BAZ1A: variants seen among roughly 807,000 people sequenced by gnomAD.
BAZ1A encodes bromodomain adjacent to zinc finger domain 1A.
In BAZ1A, 50 loss-of-function variants were observed where a neutral mutation model predicts 185.2. The observed-to-expected ratio is 0.27, with a 90% CI of 0.22 to 0.34. BAZ1A has a LOEUF of 0.34. Among genes scored for constraint, BAZ1A ranks in the 10% least tolerant of loss-of-function variants. The pLI is 1.00. For missense variants in BAZ1A, 1,356 were observed against 1,839.9 expected, an observed-to-expected ratio of 0.74 and a Z score of 4.81; for synonymous variants, 571 against 615.6, an observed-to-expected ratio of 0.93 and a Z score of 1.07.
At chr14:34,806,918 T>C (rs1473479655) in intron 6 of BAZ1A, among the ~76,000 whole-genome samples, 1 of 151,136 alleles carries the variant, frequency 6.6e-6, no homozygotes, top group East Asian at 1.9e-4. Context: ...CCCAGCTAAT[T>C]TTTCTAATTT....
chr14:34,809,403 T>G (rs971285199), intron 5 of BAZ1A, among the ~76,000 whole-genome samples: 3 of 152,156 alleles, frequency 2.0e-5, no homozygotes, highest in African/African-American at 7.2e-5. Flanking sequence ...AAAAACTCAG[T>G]TCCCTCATTC....
At chr14:34,779,935 A>G (rs1263296266) in intron 17 of BAZ1A, among the ~76,000 whole-genome samples, 1 of 152,240 alleles carries the variant, frequency 6.6e-6, no homozygotes, top group Non-Finnish European at 1.5e-5. Context: ...TTAACGACAT[A>G]GGAATATTGT....
chr14:34,866,828 T>C (rs150366613), intron 2 of BAZ1A, among the ~76,000 whole-genome samples: 15 of 152,214 alleles, frequency 9.9e-5, no homozygotes, highest in African/African-American at 3.4e-4. Flanking sequence ...TAGTCACATG[T>C]ATAATTTTAA....
intron 3 of BAZ1A, among the ~76,000 whole-genome samples, chr14:34,846,868 CT>C (rs2042520661): frequency 6.6e-6 from 1 of 152,052 alleles, no homozygotes; most frequent in Non-Finnish European, 1.5e-5. Context: ...CCTGCACATC[CT>C]GCACACGTAC....
Position 34,869,571 on chromosome 14 carries a change from G to A in BAZ1A, c.113+4921C>T, listed in dbSNP as rs2042920118. On this transcript the variant is annotated intron_variant, in intron 2 of 26. Coordinates refer to ENST00000360310, the MANE Select transcript of BAZ1A (RefSeq NM_013448.3). The stretch of plus-strand genomic sequence containing the variant: ...TAGTATGGGGCAAACAACAAGGCAG[G>A]TCCACAAGTTCTTAGGATGGTTTTC... Among the ~76,000 whole-genome samples the A allele has an allele frequency of 2.0e-5, 3 of 152,154 alleles. No individual in the cohort carries two copies. The South Asian group carries it at 6.2e-4, about 31-fold the overall frequency.
At chr14:34,843,433 G>C (rs1477922502) in intron 3 of BAZ1A, among the ~76,000 whole-genome samples, 1 of 152,040 alleles carries the variant, frequency 6.6e-6, no homozygotes, top group African/African-American at 2.4e-5. Flanking sequence ...AGGGCTAGTC[G>C]CCTGTAGAAT....
intron 15 of BAZ1A, 40 bp downstream of exon 15, chr14:34,783,722 A>ATG: frequency 6.3e-7 from 1 of 1,584,646 alleles, no homozygotes; most frequent in Non-Finnish European, 8.6e-7. Context: ...CAAAGAAATA[A>ATG]ACAGCTTTCA....
chr14:34,810,483 T>A (rs2041914880), intron 5 of BAZ1A, among the ~76,000 whole-genome samples: 1 of 152,250 alleles, frequency 6.6e-6, no homozygotes, highest in Non-Finnish European at 1.5e-5. Flanking sequence ...ACTACAAACG[T>A]GACGTTTATA....
intron 4 of BAZ1A, among the ~76,000 whole-genome samples, chr14:34,814,081 A>G (rs1373095563): frequency 6.6e-6 from 1 of 151,744 alleles, no homozygotes; most frequent in African/African-American, 2.4e-5. Flanking sequence ...TGAAATAAAG[A>G]CAAGGAAAAA....
Position 34,759,170 on chromosome 14 carries a change from A to AG in BAZ1A, c.4244-325dup. 3.7e-5 allele frequency among the ~76,000 whole-genome samples: 3 copies of AG among 80,950 alleles called. 1 individual carries two copies. Among genetic ancestry groups the AG allele is most frequent in the African/African-American group, 1.7e-4 (3 of 17,794 alleles). The allele number at this position is 80,950 out of a possible 152,430, so 53.1% of individuals were successfully genotyped here. Reference sequence around the variant, plus strand: ...TTTATTAAAAATACTTTACAGCTACAGTTTTTTTTTTTTTTTTTTTTTTTT... The same window carrying AG: ...TTTATTAAAAATACTTTACAGCTACAGGTTTTTTTTTTTTTTTTTTTTTTTT... On this transcript the variant is annotated intron_variant, in intron 24 of 26. Coordinates refer to ENST00000360310, the MANE Select transcript of BAZ1A (RefSeq NM_013448.3).
At position 34,753,513 on chromosome 14, in the gene BAZ1A, T is replaced by A; in HGVS notation, c.4666A>T (p.Ile1556Phe). ...TATCCTTTAGAAGGACAAAGTCAGA[T>A]TCGTGACTTTTTCGCAGCCGGTGGT... is the stretch of plus-strand genomic sequence containing the variant. ...STPPAAKKSR[I>F] Residue 1556 changes from isoleucine to phenylalanine, a missense_variant, in exon 27 of 27, where the codon ATC becomes TTC. This residue lies in a region of BAZ1A where 25 missense variants were observed against 20.1 expected (regional missense o/e 1.24). Coordinates refer to ENST00000360310, the MANE Select transcript of BAZ1A (RefSeq NM_013448.3). 6.2e-7 allele frequency: 1 copy of A among 1,614,052 alleles called. No individual in the cohort carries two copies. The highest frequency in any genetic ancestry group is 1.3e-5 in the African/African-American group (1 of 75,070).
chr14:34,811,502 C>G (rs1293074469), intron 4 of BAZ1A, among the ~76,000 whole-genome samples: 1 of 151,838 alleles, frequency 6.6e-6, no homozygotes, highest in African/African-American at 2.4e-5. Context: ...GCCTTGTCAC[C>G]CAGGCTGGAG....
intron 3 of BAZ1A, among the ~76,000 whole-genome samples, chr14:34,851,332 CAAAAAAAAA>C (rs71435818): frequency 1.2e-4 from 5 of 43,406 alleles, no homozygotes; most frequent in Admixed American, 4.3e-4. Context: ...GACCCTAGCT[CAAAAAAAAA>C]AAAAAAAAAA....
At chr14:34,830,769 C>CTTT (rs1296749026) in intron 3 of BAZ1A, among the ~76,000 whole-genome samples, 11 of 128,424 alleles carry the variant, frequency 8.6e-5, no homozygotes, top group South Asian at 2.5e-4. Context: ...TCTACAACTC[C>CTTT]TTTTTTTTTT....
chr14:34,819,301 C>A (rs990046442), intron 4 of BAZ1A, among the ~76,000 whole-genome samples: 2 of 152,118 alleles, frequency 1.3e-5, no homozygotes, highest in Admixed American at 6.6e-5. Flanking sequence ...TATGGGAGCA[C>A]TACTGTATTG....
At chr14:34,821,784 C>T (rs372763069) in intron 4 of BAZ1A, among the ~76,000 whole-genome samples, 2 of 150,242 alleles carry the variant, frequency 1.3e-5, no homozygotes, top group East Asian at 2.0e-4. Flanking sequence ...TGGGAGTTCG[C>T]GACCAGCCTG....
intron 3 of BAZ1A, among the ~76,000 whole-genome samples, chr14:34,832,938 T>C (rs749101841): frequency 1.3e-5 from 2 of 152,192 alleles, no homozygotes; most frequent in Non-Finnish European, 2.9e-5. Flanking sequence ...GATGAATGGA[T>C]AAGCAAACTG....
rs541544954 is a variant in BAZ1A at position 34,836,901 on chromosome 14, T to C, written c.393-10745A>G. ...GTTTATAATTCCTTTTTTAGAGAAA[T>C]ACGTCAATGTAGCTCAAAGAATGTT... On this transcript the variant is annotated intron_variant, in intron 3 of 26. Coordinates refer to ENST00000360310, the MANE Select transcript of BAZ1A (RefSeq NM_013448.3). Among the ~76,000 whole-genome samples the C allele has an allele frequency of 1.1e-3, 172 of 152,064 alleles. 1 individual carries two copies. The highest frequency in any genetic ancestry group is 2.4e-3 in the Admixed American group (36 of 15,282).
chr14:34,843,836 C>T (rs915015862), intron 3 of BAZ1A, among the ~76,000 whole-genome samples: 1 of 152,140 alleles, frequency 6.6e-6, no homozygotes, highest in East Asian at 1.9e-4. Context: ...CCTTATTTAA[C>T]CCTTTCCTTT....
Sources: gnomAD v4.1 joint callset for allele counts (sites outside exome capture counted in the v4.1 genomes callset) on GRCh38, gnomAD v4.1.1 for gene constraint, gnomAD v4.1.1 regional missense constraint, MANE v1.5 for transcripts, NCBI Gene and HGNC (gene_info 2026-07-23, HGNC 2026-07-21) for gene names.